DOCK8: variants seen among roughly 807,000 people sequenced by gnomAD.
The protein encoded by DOCK8 is dedicator of cytokinesis protein 8.
A neutral mutation model predicts 245.6 loss-of-function variants in DOCK8; 141 were observed. That is an observed-to-expected ratio of 0.57 (90% CI 0.50 to 0.66). The LOEUF (loss-of-function observed/expected upper bound fraction) is 0.66, where lower values mean the gene tolerates loss of function less well. Among genes scored for constraint, DOCK8 ranks in the 30% least tolerant of loss-of-function variants. DOCK8 has a pLI of 0.00. For missense variants in DOCK8, 2,965 were observed against 2,603.4 expected (o/e 1.14, Z -3.02); for synonymous variants, 1,168 against 970.2 (o/e 1.20, Z -3.79).
At chr9:408,861 A>AACACAC (rs71314709) in intron 28 of DOCK8, among the ~76,000 whole-genome samples, 18 of 147,426 alleles carry the variant, frequency 1.2e-4, no homozygotes, top group African/African-American at 2.9e-4. Flanking sequence ...ACATTCTTCA[A>AACACAC]ACACACACAC....
At chr9:327,928 A>G (rs2050837046) in intron 8 of DOCK8, 94 bp from the exon 9 acceptor site, 3 of 1,258,744 alleles carry the variant, frequency 2.4e-6, no homozygotes, top group Non-Finnish European at 3.5e-6. Flanking sequence ...TCCTTCAGCA[A>G]AATTTCTCTG....
rs560944498 is a variant in DOCK8 at position 235,265 on chromosome 9, G to T, written c.53+20236G>T. On this transcript the variant is annotated intron_variant, in intron 1 of 47. Transcript: ENST00000432829. ...CTGATTGTTCCTCTGGAAGTTTTGT[G>T]TCAGAGGAGTACCTGGCTGTGTGAG... Among the ~76,000 whole-genome samples the T allele has an allele frequency of 5.2e-4, 79 of 152,264 alleles. 1 individual carries two copies. In the Middle Eastern group the frequency reaches 0.01, roughly 20 times the overall value.
At chr9:222,623 G>C (rs2046908960) in intron 1 of DOCK8, among the ~76,000 whole-genome samples, 1 of 152,186 alleles carries the variant, frequency 6.6e-6, no homozygotes, top group Non-Finnish European at 1.5e-5. Flanking sequence ...CTAGGTCAGA[G>C]AGTGAACTCT....
At chr9:339,794 G>T (rs887149714) in intron 13 of DOCK8, among the ~76,000 whole-genome samples, 2 of 152,184 alleles carry the variant, frequency 1.3e-5, no homozygotes, top group Non-Finnish European at 2.9e-5. Context: ...GATGACAGGC[G>T]TGAGCCACCA....
At chr9:454,608 T>C (rs79119529) in intron 46 of DOCK8, 8,135 of 152,224 alleles carry the variant, frequency 0.053, 297 homozygotes, top group South Asian at 0.19. Flanking sequence ...ATGAGCATGC[T>C]AGGACAAGGA....
At chr9:254,867 G>A (rs571834510) in intron 1 of DOCK8, among the ~76,000 whole-genome samples, 17 of 152,178 alleles carry the variant, frequency 1.1e-4, no homozygotes, top group Non-Finnish European at 2.2e-4. Flanking sequence ...AACCCTTGGC[G>A]TTATTATAAT....
chr9:403,972 A>ATGTGTG (rs2055286633), intron 26 of DOCK8, among the ~76,000 whole-genome samples: 1 of 71,260 alleles, frequency 1.4e-5, no homozygotes, highest in Admixed American at 1.6e-4. Flanking sequence ...ATATATATAT[A>ATGTGTG]TATGTGTATA....
At position 275,912 on chromosome 9, in the gene DOCK8, A is replaced by G. The variant is rs1261376788; in HGVS notation, c.156+4183A>G. ...CCTAGTTTTACTTTTTTTTTTTGTA[A>G]TGGAATTTCCCTCTGTCACCCAGGC... On this transcript the variant is annotated intron_variant, in intron 2 of 47. Transcript: ENST00000432829. 4.5e-5 allele frequency among the ~76,000 whole-genome samples: 6 copies of G among 133,378 alleles called. No homozygotes were observed. The East Asian group carries it at 1.3e-3, about 29-fold the overall frequency. 87.5% of individuals were successfully genotyped at this position (133,378 alleles called of 152,430 possible).
chr9:432,481 G>A lies in DOCK8; in HGVS notation c.4785+157G>A, dbSNP rs531479734. On this transcript the variant is annotated intron_variant, in intron 37 of 47. Transcript: ENST00000432829. ...GCATGTGCTCTCAGCACTCTGAGAG[G>A]TTTTAAAAAGAAATACATCCATCAC... Among the ~76,000 whole-genome samples the A allele has an allele frequency of 3.3e-5, 5 of 152,100 alleles. No homozygotes were observed. The South Asian group carries it at 6.2e-4, about 19-fold the overall frequency.
At chr9:394,485 C>G (rs2054351280) in intron 24 of DOCK8, among the ~76,000 whole-genome samples, 1 of 152,190 alleles carries the variant, frequency 6.6e-6, no homozygotes, top group Non-Finnish European at 1.5e-5. Flanking sequence ...TGGCCTTAGC[C>G]AACAACCTGG....
At chr9:351,356 C>G (rs1476958205) in intron 14 of DOCK8, among the ~76,000 whole-genome samples, 3 of 152,166 alleles carry the variant, frequency 2.0e-5, no homozygotes, top group Non-Finnish European at 2.9e-5. Flanking sequence ...TAGTTGGTCA[C>G]CATCTTCAAC....
At chr9:401,450 G>A (rs2055096793) in intron 26 of DOCK8, among the ~76,000 whole-genome samples, 1 of 152,184 alleles carries the variant, frequency 6.6e-6, no homozygotes, top group South Asian at 2.1e-4. Flanking sequence ...CCACAGCACA[G>A]TAGGGAGTCT....
rs145806614 is a variant in DOCK8, at chr9:390,798, G to A, written c.2970+232G>A. Among the ~76,000 whole-genome samples the A allele has an allele frequency of 3.6e-4, 55 of 152,084 alleles. 1 individual carries two copies. The highest frequency in any genetic ancestry group is 1.3e-3 in the African/African-American group (52 of 41,492). On this transcript the variant is annotated intron_variant, in intron 24 of 47. Coordinates refer to ENST00000432829, the MANE Select transcript of DOCK8 (RefSeq NM_203447.4). ...CATCACCTTCACCACTCTCCACCTG[G>A]CCACACACCATCATCTCTCATGTGC...
At chr9:305,138 C>G (rs2049759794) in intron 5 of DOCK8, among the ~76,000 whole-genome samples, 1 of 152,070 alleles carries the variant, frequency 6.6e-6, no homozygotes, top group Admixed American at 6.5e-5. Flanking sequence ...AGTTTCCTCC[C>G]CTGGGAAACA....
At chr9:255,370 A>C (rs961099637) in intron 1 of DOCK8, among the ~76,000 whole-genome samples, 7 of 152,138 alleles carry the variant, frequency 4.6e-5, no homozygotes, top group Non-Finnish European at 1.0e-4. Flanking sequence ...GTCTCTTTTA[A>C]AAAGTCCAAA....
intron 4 of DOCK8, 96 bp downstream of exon 4, chr9:289,677 C>A: frequency 8.7e-7 from 1 of 1,149,816 alleles, no homozygotes; most frequent in Non-Finnish European, 1.2e-6. Flanking sequence ...TCTAGGTTTA[C>A]AGAAAAATTG....
intron 28 of DOCK8, among the ~76,000 whole-genome samples, chr9:407,479 G>A (rs1051833726): frequency 3.9e-5 from 6 of 152,232 alleles, no homozygotes; most frequent in Non-Finnish European, 8.8e-5. Context: ...CTGCTGAGAA[G>A]GCAGCTGTCC....
At chr9:458,771 A>G (rs2057717207) in intron 46 of DOCK8, among the ~76,000 whole-genome samples, 1 of 152,180 alleles carries the variant, frequency 6.6e-6, no homozygotes, top group African/African-American at 2.4e-5. Flanking sequence ...AGATCATGCC[A>G]CTGCCTTCCA....
At chr9:393,726 C>T (rs754312089) in intron 24 of DOCK8, among the ~76,000 whole-genome samples, 2 of 152,204 alleles carry the variant, frequency 1.3e-5, no homozygotes, top group Non-Finnish European at 2.9e-5. Flanking sequence ...AAGCATATTG[C>T]AGGGGTTTGT....
Sources: gnomAD v4.1 joint callset for allele counts (sites outside exome capture counted in the v4.1 genomes callset) on GRCh38, gnomAD v4.1.1 for gene constraint, MANE v1.5 for transcripts, NCBI Gene and HGNC (gene_info 2026-07-23, HGNC 2026-07-21) for gene names.